JADE2: variants seen among roughly 807,000 people sequenced by gnomAD.
The protein encoded by JADE2 is jade family PHD finger 2.
In JADE2, 13 loss-of-function variants were observed where a neutral mutation model predicts 85.7. The observed-to-expected ratio is 0.15, with a 90% CI of 0.10 to 0.24. The LOEUF (loss-of-function observed/expected upper bound fraction) is 0.24. JADE2 is among the 10% of genes least tolerant of loss of function. JADE2 has a pLI of 1.00. For synonymous variants in JADE2, 440 were observed against 456.1 expected (o/e 0.96, Z 0.45); for missense variants, 846 against 1,115.9 (o/e 0.76, Z 3.45).
chr5:134,564,351 T>C, intron 7 of JADE2, 143 bp from the exon 8 acceptor site: 1 of 552,950 alleles, frequency 1.8e-6, no homozygotes, highest in South Asian at 2.4e-5. Context: ...TTGTTTGGTG[T>C]CAGGAGGGAC....
At chr5:134,561,225 C>CCCT (rs1223907013) in intron 6 of JADE2, among the ~76,000 whole-genome samples, 1 of 152,196 alleles carries the variant, frequency 6.6e-6, no homozygotes, top group Admixed American at 6.5e-5. Flanking sequence ...CTGTCCCTGC[C>CCCT]CCTCCTCCTC....
intron 3 of JADE2, among the ~76,000 whole-genome samples, chr5:134,543,877 G>T (rs115541497): frequency 2.0e-5 from 3 of 152,306 alleles, no homozygotes; most frequent in African/African-American, 7.2e-5. Flanking sequence ...TCTAAGCAAC[G>T]TCAGGGAGTG....
intron 9 of JADE2, among the ~76,000 whole-genome samples, chr5:134,571,819 G>A (rs1017019610): frequency 3.9e-5 from 6 of 152,202 alleles, no homozygotes; most frequent in Admixed American, 3.3e-4. Flanking sequence ...TTCCTGCCAC[G>A]AGGCTCTGCT....
In JADE2 at chr5:134,580,447, C is replaced by A. The variant is rs565125040; in HGVS notation, c.*1130C>A. ...CCATCCCCCCCCCCGTCCTGCCATC[C>A]CCCCCCGCCGTCCTGCCTTCCCCAC... On this transcript the variant is annotated 3_prime_UTR_variant, in exon 12 of 12. Transcript: ENST00000681547. The A allele has an allele frequency of 8.0e-6, 1 of 124,470 alleles. No individual in the cohort carries two copies. Among genetic ancestry groups the A allele is most frequent in the Non-Finnish European group, 1.7e-5 (1 of 57,530 alleles). The allele number at this position is 124,470 out of a possible 1,614,324, so 7.7% of individuals were successfully genotyped here. A position where few individuals can be genotyped will look rare whatever the true frequency, so the allele number is the denominator to read the frequency against.
At position 134,562,840 on chromosome 5, in the gene JADE2, G is replaced by A. The variant is rs329306; in HGVS notation, c.852+473G>A. Among the ~76,000 whole-genome samples, 146,260 of 152,300 alleles carry A rather than the reference G, an allele frequency of 0.96. 70,374 individuals are homozygous for A. Among genetic ancestry groups the A allele is most frequent in the Non-Finnish European group, 0.99 (67,482 of 68,042 alleles). ...AAAGAATCCAGGCCGCAGCTATAGG[G>A]AGCTTTGCTTGTGGACTTGGACAGA... On this transcript the variant is annotated intron_variant, in intron 7 of 11. Transcript: ENST00000681547. The surrounding 1 kb of genome is among the most constrained non-coding windows in gnomAD (Gnocchi z 4.6).
intron 4 of JADE2, among the ~76,000 whole-genome samples, chr5:134,558,931 A>G (rs1007874025): frequency 6.6e-6 from 1 of 152,230 alleles, no homozygotes; most frequent in African/African-American, 2.4e-5. Flanking sequence ...TAAGTGGTGA[A>G]GCTGGGCTTT....
At chr5:134,551,307 C>T (rs1349455380) in intron 3 of JADE2, among the ~76,000 whole-genome samples, 4 of 152,136 alleles carry the variant, frequency 2.6e-5, no homozygotes, top group African/African-American at 9.7e-5. Flanking sequence ...TGGCTCACTG[C>T]AGGGTTAACC....
intron 10 of JADE2, 32 bp from the exon 11 acceptor site, chr5:134,576,735 AT>A: frequency 7.1e-6 from 11 of 1,550,298 alleles, no homozygotes; most frequent in Non-Finnish European, 8.7e-6. Context: ...CAGGGTAACC[AT>A]CTCCCTCCTC....
At chr5:134,549,934 C>T (rs1435345199) in intron 3 of JADE2, among the ~76,000 whole-genome samples, 1 of 152,158 alleles carries the variant, frequency 6.6e-6, no homozygotes, top group Non-Finnish European at 1.5e-5. Flanking sequence ...GTGCTGGGGC[C>T]CACAGGGAAA....
intron 1 of JADE2, among the ~76,000 whole-genome samples, chr5:134,530,169 C>T (rs921405036): frequency 3.9e-5 from 6 of 152,064 alleles, no homozygotes; most frequent in Non-Finnish European, 7.4e-5. Flanking sequence ...CGGTTTAAAG[C>T]GGTTTAAGAG....
intron 4 of JADE2, among the ~76,000 whole-genome samples, chr5:134,555,381 C>G (rs977092401): frequency 6.6e-6 from 1 of 152,234 alleles, no homozygotes; most frequent in East Asian, 1.9e-4. Context: ...ACGCCCTCCT[C>G]CCAGCTGACC....
At chr5:134,559,792 G>C in intron 4 of JADE2, 38 bp from the exon 5 acceptor site, 1 of 1,586,394 alleles carries the variant, frequency 6.3e-7, no homozygotes, top group Non-Finnish European at 8.6e-7. Flanking sequence ...GCAGGCTGAG[G>C]GCCCCTCCCT....
rs983338679 is a variant in JADE2 at position 134,556,267 on chromosome 5, C to T, written c.312-3563C>T. ...CCGAAGCAATAACCATGGCAACCAG[C>T]GGGGGGTGGGAAGAGCTGGCTTTTT... On this transcript the variant is annotated intron_variant, in intron 4 of 11. Transcript: ENST00000681547. 1.3e-4 allele frequency among the ~76,000 whole-genome samples: 20 copies of T among 152,208 alleles called. 1 individual carries two copies. Among genetic ancestry groups the T allele is most frequent in the Non-Finnish European group, 2.8e-4 (19 of 68,040 alleles).
At chr5:134,534,450 C>T (rs1761456346) in intron 1 of JADE2, among the ~76,000 whole-genome samples, 1 of 152,112 alleles carries the variant, frequency 6.6e-6, no homozygotes, top group Non-Finnish European at 1.5e-5. Flanking sequence ...AATGAGCCTT[C>T]CTGCCATCCT....
chr5:134,567,209 GCACGAGACTGGGCTGGTGGATCA>G (rs1408719761), intron 9 of JADE2, among the ~76,000 whole-genome samples: 1 of 152,176 alleles, frequency 6.6e-6, no homozygotes, highest in Admixed American at 6.5e-5. Flanking sequence ...CTGGTGGATC[GCACGAGACTGGGCTGGTGGATCA>G]CAGTGTGTCT....
At chr5:134,549,993 C>T (rs976953808) in intron 3 of JADE2, among the ~76,000 whole-genome samples, 4 of 152,224 alleles carry the variant, frequency 2.6e-5, no homozygotes, top group African/African-American at 7.2e-5. Context: ...CAGAGGCCTT[C>T]GCTGGCACAG....
chr5:134,545,228 C>G (rs892021186), intron 3 of JADE2, among the ~76,000 whole-genome samples: 1 of 152,156 alleles, frequency 6.6e-6, no homozygotes, highest in Non-Finnish European at 1.5e-5. Flanking sequence ...CTCACACTGC[C>G]TTTCTCTGGG....
In JADE2 at chr5:134,560,682, C is replaced by A. The variant is rs1763266640; in HGVS notation, c.473-64C>A. On this transcript the variant is annotated intron_variant, in intron 5 of 11. Coordinates refer to ENST00000681547, the MANE Select transcript of JADE2 (RefSeq NM_001388185.1). ...ATTCCTGCAACTCCAGGAGCCAAGTCCTCTTCAAAGCTCAAAGGAGGCTGG... is the reference window on the plus strand; with the variant it reads ...ATTCCTGCAACTCCAGGAGCCAAGTACTCTTCAAAGCTCAAAGGAGGCTGG... 3 of 1,423,414 alleles carry A rather than the reference C, an allele frequency of 2.1e-6. No homozygotes were observed. The Admixed American group carries it at 5.8e-5, about 28-fold the overall frequency. 88.2% of individuals were successfully genotyped at this position (1,423,414 alleles called of 1,614,324 possible).
At chr5:134,528,785 C>T (rs1024239494) in intron 1 of JADE2, among the ~76,000 whole-genome samples, 4 of 152,204 alleles carry the variant, frequency 2.6e-5, no homozygotes, top group Non-Finnish European at 4.4e-5. Flanking sequence ...CCAAGGGTCC[C>T]CCCATCACTT....
Sources: allele counts gnomAD v4.1 joint callset (sites outside exome capture counted in the v4.1 genomes callset), GRCh38; gene constraint gnomAD v4.1.1; non-coding constraint Gnocchi (gnomAD v3.1); transcripts MANE v1.5; gene names NCBI Gene and HGNC (gene_info 2026-07-23, HGNC 2026-07-21).